MPP7: variants seen among roughly 807,000 people sequenced by gnomAD.
MPP7 encodes MAGUK p55 subfamily member 7.
MPP7 carries 60 observed loss-of-function variants against 76.5 expected under a neutral mutation model. That is an observed-to-expected ratio of 0.78 (90% confidence interval 0.64 to 0.97). MPP7 has a LOEUF of 0.97. Ranked by LOEUF, MPP7 falls within the 50% of genes least tolerant of loss-of-function variation. MPP7 has a pLI of 0.00. For synonymous variants in MPP7, 237 were observed against 244.5 expected (o/e 0.97, Z 0.29); for missense variants, 641 against 694.0 (o/e 0.92, Z 0.86).
intron 3 of MPP7, among the ~76,000 whole-genome samples, chr10:28,190,720 T>C (rs1470485722): frequency 6.6e-6 from 1 of 151,788 alleles, no homozygotes; most frequent in African/African-American, 2.4e-5. Context: ...AAATCTAAAA[T>C]TGATAATCTA....
intron 1 of MPP7, among the ~76,000 whole-genome samples, chr10:28,243,014 C>G (rs951240121): frequency 2.6e-5 from 4 of 152,062 alleles, no homozygotes; most frequent in African/African-American, 9.7e-5. Context: ...GAAATACTGT[C>G]TCAAAAGAAC....
intron 3 of MPP7, among the ~76,000 whole-genome samples, chr10:28,171,993 T>A (rs1302735893): frequency 1.3e-5 from 2 of 152,172 alleles, no homozygotes; most frequent in Non-Finnish European, 2.9e-5. Flanking sequence ...ATACACTGAA[T>A]AATGTTGCCA....
chr10:28,302,976 C>A lies in MPP7; in HGVS notation c.-247G>T, dbSNP rs1191138208. On this transcript the variant is annotated 5_prime_UTR_variant, in exon 1 of 17. Coordinates refer to ENST00000683449, the MANE Select transcript of MPP7 (RefSeq NM_001318170.2). ...CACCGCCGCAGAGGACAATCGGGAGCCAGCGGGCTCGGCACCGCCGCGGCG... is the reference window on the plus strand; with the variant it reads ...CACCGCCGCAGAGGACAATCGGGAGACAGCGGGCTCGGCACCGCCGCGGCG... Among the ~76,000 whole-genome samples, 1 of 150,946 alleles carries A rather than the reference C, an allele frequency of 6.6e-6. No homozygotes were observed. Among genetic ancestry groups the A allele is most frequent in the African/African-American group, 2.4e-5 (1 of 41,362 alleles).
chr10:28,322,616 CA>C (rs1046315914), intron 2 of MPP7, among the ~76,000 whole-genome samples: 9 of 152,070 alleles, frequency 5.9e-5, no homozygotes, highest in African/African-American at 2.2e-4. Flanking sequence ...TGACCTTTCC[CA>C]GGGGTAAAAC....
rs1451929892 is a variant in MPP7, at chr10:28,195,352, T to C, written c.156+6801A>G. Among the ~76,000 whole-genome samples the C allele has an allele frequency of 2.0e-5, 3 of 152,290 alleles. No individual in the cohort carries two copies. In the East Asian group the frequency reaches 5.8e-4, roughly 29 times the overall value. Reference sequence around the variant, plus strand: ...AGTCTAACAGGTCTTCATAAAAACTTAGAGCTACCATTTAACCTAGCAATT... The same window carrying C: ...AGTCTAACAGGTCTTCATAAAAACTCAGAGCTACCATTTAACCTAGCAATT... On this transcript the variant is annotated intron_variant, in intron 3 of 16. Coordinates refer to ENST00000683449, the MANE Select transcript of MPP7 (RefSeq NM_001318170.2).
intron 1 of MPP7, among the ~76,000 whole-genome samples, chr10:28,260,881 T>C (rs887915946): frequency 6.6e-6 from 1 of 151,986 alleles, no homozygotes; most frequent in Non-Finnish European, 1.5e-5. Context: ...TTCAACTCAG[T>C]GTGAGTTGAT....
chr10:28,057,823 C>T, intron 15 of MPP7: 1 of 1,274,288 alleles, frequency 7.8e-7, no homozygotes, highest in Non-Finnish European at 1.0e-6. Context: ...AGGGTACAGC[C>T]ATCAGTGGAA....
At chr10:28,058,054 G>T (rs1289394888) in intron 15 of MPP7, among the ~76,000 whole-genome samples, 1 of 152,042 alleles carries the variant, frequency 6.6e-6, no homozygotes, top group Non-Finnish European at 1.5e-5. Flanking sequence ...TCTAGTGGGG[G>T]GTTATTTGCT....
chr10:28,227,921 A>T (rs1838750905), intron 2 of MPP7, among the ~76,000 whole-genome samples: 2 of 152,170 alleles, frequency 1.3e-5, no homozygotes, highest in Admixed American at 6.5e-5. Context: ...GGTTGAACTA[A>T]TTTACACTCT....
intron 1 of MPP7, among the ~76,000 whole-genome samples, chr10:28,254,038 C>CT (rs1839708216): frequency 7.6e-6 from 1 of 131,218 alleles, no homozygotes; most frequent in Admixed American, 7.7e-5. Flanking sequence ...AAAAGACATA[C>CT]TTTTGCTATA....
chr10:28,105,421 T>C (rs759691225), intron 11 of MPP7, among the ~76,000 whole-genome samples: 3 of 152,154 alleles, frequency 2.0e-5, no homozygotes, highest in Non-Finnish European at 4.4e-5. Context: ...TGTCTCAGAA[T>C]TGGCAAGTAA....
At chr10:28,105,870 T>C (rs1834307322) in intron 11 of MPP7, among the ~76,000 whole-genome samples, 1 of 152,180 alleles carries the variant, frequency 6.6e-6, no homozygotes, top group Non-Finnish European at 1.5e-5. Context: ...CCTTTTGTTC[T>C]GCCAAATGAG....
At chr10:28,062,367 AT>A (rs1851821003) in intron 13 of MPP7, among the ~76,000 whole-genome samples, 1 of 152,180 alleles carries the variant, frequency 6.6e-6, no homozygotes, top group South Asian at 2.1e-4. Context: ...TAATCCAGAG[AT>A]ACCACCAGAG....
Position 28,052,253 on chromosome 10 carries a change from C to A in MPP7, c.*1812G>T, listed in dbSNP as rs1390366537. 6.6e-6 allele frequency: 1 copy of A among 152,170 alleles called. No individual in the cohort carries two copies. Among genetic ancestry groups the A allele is most frequent in the African/African-American group, 2.4e-5 (1 of 41,436 alleles). The allele number at this position is 152,170 out of a possible 1,614,324, so 9.4% of individuals were successfully genotyped here. A position where few individuals can be genotyped will look rare whatever the true frequency, so the allele number is the denominator to read the frequency against. On this transcript the variant is annotated 3_prime_UTR_variant, in exon 17 of 17. Transcript: ENST00000683449. Reference sequence around the variant, plus strand: ...GTCTTGATTTATAGAAAATTTCAGACAATGTTCAAAGAAGGAAATATGCTA... The same window carrying A: ...GTCTTGATTTATAGAAAATTTCAGAAAATGTTCAAAGAAGGAAATATGCTA...
chr10:28,164,762 C>T, intron 3 of MPP7, among the ~76,000 whole-genome samples: 1 of 151,818 alleles, frequency 6.6e-6, no homozygotes, highest in Admixed American at 6.6e-5. Flanking sequence ...GCCCAGGGAA[C>T]CCAAAAGATT....
At chr10:28,185,702 C>A (rs781636797) in intron 3 of MPP7, among the ~76,000 whole-genome samples, 4 of 152,134 alleles carry the variant, frequency 2.6e-5, no homozygotes, top group Non-Finnish European at 5.9e-5. Flanking sequence ...TCCCTCCACT[C>A]CAAATCAAGC....
At chr10:28,116,067 T>C (rs1228421667) in intron 11 of MPP7, among the ~76,000 whole-genome samples, 1 of 152,156 alleles carries the variant, frequency 6.6e-6, no homozygotes, top group African/African-American at 2.4e-5. Context: ...AACAACACTA[T>C]AAAAACTCAC....
At chr10:28,274,450 G>A (rs561014119) in intron 1 of MPP7, among the ~76,000 whole-genome samples, 2 of 152,054 alleles carry the variant, frequency 1.3e-5, no homozygotes, top group South Asian at 4.2e-4. Context: ...CCTAAACTCT[G>A]CCCATATTCT....
intron 6 of MPP7, among the ~76,000 whole-genome samples, chr10:28,129,269 T>A (rs1207572780): frequency 1.3e-5 from 2 of 152,140 alleles, no homozygotes; most frequent in Non-Finnish European, 2.9e-5. Context: ...CAAAATAAAT[T>A]AAAATTGGAT....
Sources: allele counts gnomAD v4.1 joint callset (sites outside exome capture counted in the v4.1 genomes callset), GRCh38; gene constraint gnomAD v4.1.1; transcripts MANE v1.5; gene names NCBI Gene and HGNC (gene_info 2026-07-23, HGNC 2026-07-21).